Variants in CCDC178 observed in about 807,000 individuals in gnomAD.
The protein encoded by CCDC178 is coiled-coil domain containing 178, also known as coiled-coil domain-containing protein 178.
In CCDC178, 126 loss-of-function variants were observed where a neutral mutation model predicts 117.4. The ratio of observed to expected loss-of-function variants is 1.07; its 90% CI spans 0.93 to 1.24. The LOEUF (loss-of-function observed/expected upper bound fraction) is 1.24, where lower values mean the gene tolerates loss of function less well. Ranked by LOEUF, CCDC178 falls within the 50% of genes most tolerant of loss-of-function variation. The pLI is 0.00. For synonymous variants in CCDC178, 283 were observed against 313.4 expected (o/e 0.90, Z 1.02); for missense variants, 1,030 against 986.9 (o/e 1.04, Z -0.59).
At chr18:33,194,219 TTAAATAAA>T (rs2058897612) in intron 20 of CCDC178, among the ~76,000 whole-genome samples, 1 of 152,010 alleles carries the variant, frequency 6.6e-6, no homozygotes, top group South Asian at 2.1e-4. Context: ...TTCCAGGCAA[TTAAATAAA>T]TACTTTATAA....
intron 21 of CCDC178, among the ~76,000 whole-genome samples, chr18:33,007,502 T>C (rs2055775351): frequency 6.6e-6 from 1 of 151,952 alleles, no homozygotes; most frequent in Non-Finnish European, 1.5e-5. Flanking sequence ...TGTTGAGTTC[T>C]GCAGCTTGTC....
At chr18:33,004,660 C>A (rs780284230) in intron 21 of CCDC178, among the ~76,000 whole-genome samples, 11 of 151,896 alleles carry the variant, frequency 7.2e-5, no homozygotes, top group Admixed American at 2.0e-4. Context: ...GCAAAGGAAA[C>A]AATCAAGTGA....
At chr18:33,179,078 AATATATATATATATAT>A (rs1555656270) in intron 20 of CCDC178, among the ~76,000 whole-genome samples, 1 of 55,852 alleles carries the variant, frequency 1.8e-5, no homozygotes, top group Non-Finnish European at 2.9e-5. Context: ...AAAAAAAAAA[AATATATATATATATAT>A]ATATATATAT....
chr18:33,332,622 C>G (rs760405698), intron 10 of CCDC178, among the ~76,000 whole-genome samples: 2 of 152,110 alleles, frequency 1.3e-5, no homozygotes, highest in South Asian at 4.1e-4. Flanking sequence ...GTCATCCAGG[C>G]TGGATTGCAG....
Position 33,293,219 on chromosome 18 carries a change from C to T in CCDC178, c.1116G>A (p.Val372=). 2.5e-6 allele frequency: 4 copies of T among 1,595,516 alleles called. No homozygotes were observed. Among genetic ancestry groups the T allele is most frequent in the South Asian group, 2.2e-5 (2 of 89,204 alleles). ...ACTTTGTTTCCCTTATTGCTTCAGT[C>T]ACTTCCTCTTCCTTCTCCTCAATAT... ...NTNIEEKEEE[V]TEAIRETKSS... is the part of the protein sequence containing the mutation. Residue 372 remains valine, a synonymous_variant, in exon 12 of 23, where the codon GTG becomes GTA. Transcript: ENST00000383096.
chr18:32,974,887 G>A (rs983296085), intron 21 of CCDC178, among the ~76,000 whole-genome samples: 1 of 152,144 alleles, frequency 6.6e-6, no homozygotes, highest in Non-Finnish European at 1.5e-5. Context: ...CTGGCCGCCA[G>A]GATGGGGGGT....
chr18:33,035,646 G>A (rs1044545866), intron 21 of CCDC178, among the ~76,000 whole-genome samples: 8 of 151,894 alleles, frequency 5.3e-5, no homozygotes, highest in South Asian at 2.1e-4. Flanking sequence ...GCTGGTCAGA[G>A]AATACAAACT....
chr18:33,292,428 G>A (rs549261606), intron 12 of CCDC178, among the ~76,000 whole-genome samples: 5 of 152,162 alleles, frequency 3.3e-5, no homozygotes, highest in South Asian at 2.1e-4. Context: ...GGAAGGGTAG[G>A]GGGTAGGGAC....
chr18:32,983,818 G>A (rs2055204513), intron 21 of CCDC178, among the ~76,000 whole-genome samples: 1 of 152,010 alleles, frequency 6.6e-6, no homozygotes, highest in Non-Finnish European at 1.5e-5. Context: ...ATTCAACAGA[G>A]TGATGTGAAG....
chr18:32,994,590 G>A (rs189147564), intron 21 of CCDC178, among the ~76,000 whole-genome samples: 145 of 152,250 alleles, frequency 9.5e-4, no homozygotes, highest in Middle Eastern at 6.8e-3. Context: ...TTGACACACA[G>A]TACTTCATTT....
intron 11 of CCDC178, among the ~76,000 whole-genome samples, chr18:33,318,142 C>G (rs1459349792): frequency 1.3e-5 from 2 of 152,184 alleles, no homozygotes; most frequent in African/African-American, 4.8e-5. Flanking sequence ...TTTTAACACC[C>G]TCACCCTTCA....
intron 21 of CCDC178, among the ~76,000 whole-genome samples, chr18:32,995,841 T>A (rs915936111): frequency 6.6e-6 from 1 of 151,982 alleles, no homozygotes; most frequent in African/African-American, 2.4e-5. Flanking sequence ...TATAGGAGAA[T>A]ATATTAGAGA....
intron 2 of CCDC178, among the ~76,000 whole-genome samples, chr18:33,432,425 G>A (rs1324680272): frequency 6.6e-6 from 1 of 151,210 alleles, no homozygotes; most frequent in Non-Finnish European, 1.5e-5. Flanking sequence ...AAAGATGGTA[G>A]TAATAGATTT....
chr18:33,099,311 A>C (rs190180702), intron 20 of CCDC178, among the ~76,000 whole-genome samples: 4 of 152,182 alleles, frequency 2.6e-5, no homozygotes, highest in Non-Finnish European at 4.4e-5. Flanking sequence ...GCATTACACC[A>C]TTGATCCCAT....
chr18:33,345,343 C>T (rs2062877422), intron 9 of CCDC178, among the ~76,000 whole-genome samples: 1 of 152,064 alleles, frequency 6.6e-6, no homozygotes, highest in African/African-American at 2.4e-5. Context: ...AAATCCAATA[C>T]CTTTAGATTC....
At chr18:33,202,391 TAAAAAAAAAAAAAAAAAAAAAAAA>T (rs60997290) in intron 20 of CCDC178, among the ~76,000 whole-genome samples, 1 of 20,256 alleles carries the variant, frequency 4.9e-5, no homozygotes, top group East Asian at 2.2e-3. Context: ...GACTCCATCT[TAAAAAAAAAAAAAAAAAAAAAAAA>T]AAAAAAAAGG....
At chr18:33,092,672 A>T in intron 21 of CCDC178, 89 bp downstream of exon 21, 1 of 825,936 alleles carries the variant, frequency 1.2e-6, no homozygotes, top group Non-Finnish European at 1.9e-6. Flanking sequence ...TCATCGTCAG[A>T]TCAGAGGCAC....
intron 20 of CCDC178, among the ~76,000 whole-genome samples, chr18:33,121,781 T>A (rs2144215031): frequency 6.6e-6 from 1 of 152,210 alleles, no homozygotes; most frequent in Non-Finnish European, 1.5e-5. Context: ...GTTGTGAGCA[T>A]CAGATGAGAA....
intron 20 of CCDC178, among the ~76,000 whole-genome samples, chr18:33,134,966 T>C (rs769657590): frequency 2.0e-5 from 3 of 152,048 alleles, no homozygotes; most frequent in Non-Finnish European, 4.4e-5. Flanking sequence ...CTGTATTTCA[T>C]TGGACCTAAA....
Sources: allele counts gnomAD v4.1 joint callset (sites outside exome capture counted in the v4.1 genomes callset), GRCh38; gene constraint gnomAD v4.1.1; transcripts MANE v1.5; gene names NCBI Gene and HGNC (gene_info 2026-07-23, HGNC 2026-07-21).